Variants in SLC16A10 observed in about 807,000 individuals in gnomAD.
The protein encoded by SLC16A10 is solute carrier family 16 member 10.
In SLC16A10, 27 loss-of-function variants were observed where a neutral mutation model predicts 40.0. The ratio of observed to expected loss-of-function variants is 0.67; its 90% CI spans 0.50 to 0.93. The LOEUF (loss-of-function observed/expected upper bound fraction) is 0.93, where lower values mean the gene tolerates loss of function less well. SLC16A10 is among the 40% of genes least tolerant of loss of function. SLC16A10 has a pLI of 0.00. For synonymous variants in SLC16A10, 213 were observed against 249.8 expected (o/e 0.85, Z 1.39); for missense variants, 529 against 658.2 (o/e 0.80, Z 2.15).
chr6:111,222,410 C>G lies in SLC16A10; in HGVS notation c.*175C>G. 6.9e-6 allele frequency: 5 copies of G among 722,884 alleles called. No individual in the cohort carries two copies. Among genetic ancestry groups the G allele is most frequent in the Non-Finnish European group, 1.0e-5 (5 of 486,334 alleles). The allele number at this position is 722,884 out of a possible 1,614,324, so 44.8% of individuals were successfully genotyped here. A position where few individuals can be genotyped will look rare whatever the true frequency, so the allele number is the denominator to read the frequency against. ...AACCATTTTCTGCCACTAAATATCT[C>G]TGATGTTTCCATGAGTCTGAGGGCA... On this transcript the variant is annotated 3_prime_UTR_variant, in exon 6 of 6. Transcript: ENST00000368851.
chr6:111,222,644 TTACTTTCTTA>T lies in SLC16A10; in HGVS notation c.*411_*420del, dbSNP rs1170879723. Reference sequence around the variant, plus strand: ...TGTCTTCAGTTCTGGTACCTCTGTTTTACTTTCTTATGCTCTTTGGAAACTTTTTGCAAAA... The same window carrying T: ...TGTCTTCAGTTCTGGTACCTCTGTTTTGCTCTTTGGAAACTTTTTGCAAAA... On this transcript the variant is annotated 3_prime_UTR_variant, in exon 6 of 6. Transcript: ENST00000368851. 1 of 169,182 alleles carries T rather than the reference TTACTTTCTTA, an allele frequency of 5.9e-6. No homozygotes were observed. The highest frequency in any genetic ancestry group is 2.4e-5 in the African/African-American group (1 of 41,582). The allele number at this position is 169,182 out of a possible 1,614,324, so 10.5% of individuals were successfully genotyped here.
intron 3 of SLC16A10, among the ~76,000 whole-genome samples, chr6:111,205,074 G>A (rs971546582): frequency 2.0e-5 from 3 of 152,166 alleles, no homozygotes; most frequent in African/African-American, 7.2e-5. Flanking sequence ...AATGTAGGCA[G>A]TGGGCCACCT....
chr6:111,158,463 G>A (rs1772311964), intron 1 of SLC16A10, among the ~76,000 whole-genome samples: 1 of 152,108 alleles, frequency 6.6e-6, no homozygotes, highest in Admixed American at 6.6e-5. Flanking sequence ...TACAAGGAAT[G>A]TGCAACCTAG....
intron 1 of SLC16A10, among the ~76,000 whole-genome samples, chr6:111,153,408 G>T (rs999983742): frequency 1.3e-5 from 2 of 152,064 alleles, no homozygotes; most frequent in Non-Finnish European, 2.9e-5. Context: ...AGTGGCACGT[G>T]CCTCTAGCCC....
chr6:111,088,372 A>G (rs1292919531), intron 1 of SLC16A10, among the ~76,000 whole-genome samples: 2 of 152,182 alleles, frequency 1.3e-5, no homozygotes, highest in African/African-American at 2.4e-5. Context: ...CCCTCAGCAG[A>G]GCAGACGCTA....
rs354540 is a variant in SLC16A10, at chr6:111,195,827, A to T, written c.943-10765A>T. On this transcript the variant is annotated intron_variant, in intron 3 of 5. Coordinates refer to ENST00000368851, the MANE Select transcript of SLC16A10 (RefSeq NM_018593.5). Reference sequence around the variant, plus strand: ...AGGCTGCCTTAATCCAGAGTACACAAGCCTTCCATTTTCTTATCTGTCCTC... The same window carrying T: ...AGGCTGCCTTAATCCAGAGTACACATGCCTTCCATTTTCTTATCTGTCCTC... Among the ~76,000 whole-genome samples the T allele has an allele frequency of 3.2e-3, 491 of 152,092 alleles. 32 individuals carry two copies. The South Asian group carries it at 0.097, about 30-fold the overall frequency.
At chr6:111,117,331 G>A (rs1196558791) in intron 1 of SLC16A10, among the ~76,000 whole-genome samples, 14 of 136,762 alleles carry the variant, frequency 1.0e-4, no homozygotes, top group African/African-American at 3.6e-4. Context: ...CATCCTGGGC[G>A]ACAGAGCGAG....
At position 111,141,862 on chromosome 6, in the gene SLC16A10, GT is replaced by G. The variant is rs531159484; in HGVS notation, c.344-30832del. On this transcript the variant is annotated intron_variant, in intron 1 of 5. Coordinates refer to ENST00000368851, the MANE Select transcript of SLC16A10 (RefSeq NM_018593.5). ...TAGGAAGACTCAGTAATGTCAAGAT[GT>G]CAGTCCTTTTCATCTTTATCTATAG... is the stretch of plus-strand genomic sequence containing the variant. 2.2e-3 allele frequency among the ~76,000 whole-genome samples: 328 copies of G among 152,302 alleles called. 2 individuals carry two copies. The highest frequency in any genetic ancestry group is 7.4e-3 in the African/African-American group (307 of 41,558).
intron 1 of SLC16A10, among the ~76,000 whole-genome samples, chr6:111,115,010 T>C (rs1771460244): frequency 6.6e-6 from 1 of 151,916 alleles, no homozygotes; most frequent in South Asian, 2.1e-4. Flanking sequence ...TGCAGAAGCC[T>C]GTATGTAGTG....
rs1236059579 is a variant in SLC16A10, at chr6:111,202,491, G to T, written c.943-4101G>T. ...AAACTCTGTCTCAAGAAGAAAAAAT[G>T]TTTCAGGCACAGTCAGTGTTGAAGA... is the stretch of plus-strand genomic sequence containing the variant. On this transcript the variant is annotated intron_variant, in intron 3 of 5. Transcript: ENST00000368851. 3.3e-5 allele frequency among the ~76,000 whole-genome samples: 5 copies of T among 151,896 alleles called. No homozygotes were observed. In the East Asian group the frequency reaches 9.7e-4, roughly 29 times the overall value.
intron 1 of SLC16A10, among the ~76,000 whole-genome samples, chr6:111,132,800 C>A (rs1347522409): frequency 6.6e-6 from 1 of 152,154 alleles, no homozygotes; most frequent in Non-Finnish European, 1.5e-5. Context: ...GATGGTTCCT[C>A]CCAGGTAATT....
chr6:111,186,319 C>A (rs1411601324), intron 3 of SLC16A10, among the ~76,000 whole-genome samples: 1 of 152,142 alleles, frequency 6.6e-6, no homozygotes, highest in Non-Finnish European at 1.5e-5. Flanking sequence ...TGTCTCAAAT[C>A]CTTGGACTAA....
intron 4 of SLC16A10, among the ~76,000 whole-genome samples, chr6:111,212,002 T>C (rs560336912): frequency 6.6e-6 from 1 of 152,344 alleles, no homozygotes; most frequent in Non-Finnish European, 1.5e-5. Context: ...CTGTGACAAC[T>C]CTTCCCTCTT....
chr6:111,161,648 G>A (rs1217165076), intron 1 of SLC16A10, among the ~76,000 whole-genome samples: 1 of 152,100 alleles, frequency 6.6e-6, no homozygotes, highest in Non-Finnish European at 1.5e-5. Flanking sequence ...TTTCATGACT[G>A]GAGTTTAATG....
At chr6:111,108,164 C>T (rs1323698819) in intron 1 of SLC16A10, among the ~76,000 whole-genome samples, 22 of 151,954 alleles carry the variant, frequency 1.4e-4, no homozygotes, top group Admixed American at 1.4e-3. Flanking sequence ...GGATTACAGG[C>T]GTGATCCACC....
At chr6:111,132,264 G>C (rs1771798111) in intron 1 of SLC16A10, among the ~76,000 whole-genome samples, 1 of 152,176 alleles carries the variant, frequency 6.6e-6, no homozygotes, top group African/African-American at 2.4e-5. Flanking sequence ...GAAAAAGAAA[G>C]AGAAAGATAG....
In SLC16A10 at chr6:111,177,211, G is replaced by A. The variant is rs1316520903; in HGVS notation, c.489-1G>A. The A allele has an allele frequency of 2.0e-6, 3 of 1,507,186 alleles. No homozygotes were observed. The highest frequency in any genetic ancestry group is 2.7e-6 in the Non-Finnish European group (3 of 1,128,182). 93.4% of individuals were successfully genotyped at this position (1,507,186 alleles called of 1,614,324 possible). A position where few individuals can be genotyped will look rare whatever the true frequency, so the allele number is the denominator to read the frequency against. On this transcript the variant is annotated splice_acceptor_variant, in intron 2 of 5. Coordinates refer to ENST00000368851, the MANE Select transcript of SLC16A10 (RefSeq NM_018593.5). LOFTEE classifies it high-confidence loss of function. ...TTTCCATCTTTTTCATCTTTATACA[G>A]TTCCATCGAGCCTCTGTACCTTACC...
intron 1 of SLC16A10, among the ~76,000 whole-genome samples, chr6:111,099,883 C>T (rs751459361): frequency 1.1e-4 from 16 of 151,926 alleles, no homozygotes; most frequent in Non-Finnish European, 1.9e-4. Context: ...ATTAGCTGGA[C>T]GTGGTGGCAG....
intron 3 of SLC16A10, among the ~76,000 whole-genome samples, chr6:111,202,202 G>T (rs956549958): frequency 6.6e-6 from 1 of 152,244 alleles, no homozygotes; most frequent in Non-Finnish European, 1.5e-5. Flanking sequence ...ACGGCCGGGT[G>T]TGGTGGCTCA....
Sources: allele counts gnomAD v4.1 joint callset (sites outside exome capture counted in the v4.1 genomes callset), GRCh38; gene constraint gnomAD v4.1.1; transcripts MANE v1.5; gene names NCBI Gene and HGNC (gene_info 2026-07-23, HGNC 2026-07-21).